The following MGAT5B variants were observed in gnomAD, a reference collection of about 807,000 sequenced individuals.
MGAT5B encodes the protein alpha-1,6-mannosylglycoprotein 6-beta-N-acetylglucosaminyltransferase B, also known as N-acetylglucosaminyl-transferase Vb.
A neutral mutation model predicts 95.1 loss-of-function variants in MGAT5B; 54 were observed. That is an observed-to-expected ratio of 0.57 (90% confidence interval 0.46 to 0.71). The LOEUF (loss-of-function observed/expected upper bound fraction) is 0.71, where lower values mean the gene tolerates loss of function less well. Among genes scored for constraint, MGAT5B ranks in the 30% least tolerant of loss-of-function variants. MGAT5B has a pLI of 0.00. For missense variants in MGAT5B, 935 were observed against 1,088.6 expected (o/e 0.86, Z 1.99); for synonymous variants, 464 against 451.0 (o/e 1.03, Z -0.36).
intron 8 of MGAT5B, among the ~76,000 whole-genome samples, chr17:76,907,640 A>C (rs992736483): frequency 5.3e-5 from 8 of 152,244 alleles, no homozygotes; most frequent in Admixed American, 2.0e-4. Context: ...CCTGTTTTTG[A>C]AATGGTTTTG....
intron 3 of MGAT5B, among the ~76,000 whole-genome samples, chr17:76,900,954 C>T (rs143599728): frequency 3.2e-4 from 47 of 148,050 alleles, no homozygotes; most frequent in Admixed American, 5.5e-4. Context: ...TGAGTGTGTG[C>T]GTGTGCACGC....
At position 76,870,114 on chromosome 17, in the gene MGAT5B, T is replaced by C. The variant is rs570785230; in HGVS notation, c.68+1017T>C. Among the ~76,000 whole-genome samples the C allele has an allele frequency of 1.4e-4, 21 of 152,182 alleles. No individual in the cohort carries two copies. The highest frequency in any genetic ancestry group is 5.1e-4 in the African/African-American group (21 of 41,532). ...GGAAGGAGCCCGAGAAGGCGGAGCT[T>C]GCAGGGGCCCTGAACTCTTGCCCTC... On this transcript the variant is annotated intron_variant, in intron 1 of 17. Transcript: ENST00000569840. This position sits in a 1 kb window ranked among gnomAD's most constrained non-coding sequence, Gnocchi z 5.0.
At position 76,902,459 on chromosome 17, in the gene MGAT5B, G is replaced by A. The variant is rs139769198; in HGVS notation, c.330-96G>A. The A allele has an allele frequency of 1.1e-3, 922 of 856,534 alleles. 1 individual carries two copies. The highest frequency in any genetic ancestry group is 1.5e-3 in the Non-Finnish European group (798 of 535,364). The allele number at this position is 856,534 out of a possible 1,614,324, so 53.1% of individuals were successfully genotyped here. On this transcript the variant is annotated intron_variant, in intron 3 of 17. Coordinates refer to ENST00000569840, the MANE Select transcript of MGAT5B (RefSeq NM_001199172.2). ...GTTTGGGAGCCTGGGGCATTGCAGA[G>A]CCTGCCGCCTTTGCCTGTGGGCCTT...
In MGAT5B at chr17:76,940,459, A is replaced by G. The variant is rs1217222325; in HGVS notation, c.1642A>G (p.Asn548Asp). The change falls in exon 14 of 18, where the codon AAT becomes GAT. Residue 548 changes from asparagine (N) to aspartate (D), a missense_variant. Physicochemically the swap from Asn to Asp is conservative, Grantham distance 23 (BLOSUM62 1). Transcript: ENST00000569840. The surrounding 1 kb of genome is among the most constrained non-coding windows in gnomAD (Gnocchi z 4.3). Reference sequence around the variant, plus strand: ...CCCCGCCCCCCTGGAGGCCATCGCCAATGGTTGCATCTTCCTGCAGTCCCG... The same window carrying G: ...CCCCGCCCCCCTGGAGGCCATCGCCGATGGTTGCATCTTCCTGCAGTCCCG... Reference protein sequence around the residue: ...EGPAPLEAIANGCIFLQSRFS... With the variant: ...EGPAPLEAIADGCIFLQSRFS... 1 of 1,613,762 alleles carries G rather than the reference A, an allele frequency of 6.2e-7. No individual in the cohort carries two copies.
chr17:76,948,075 C>A lies in MGAT5B; in HGVS notation c.2169C>A (p.Asp723Glu). 6.2e-7 allele frequency: 1 copy of A among 1,601,446 alleles called. No homozygotes were observed. Among genetic ancestry groups the A allele is most frequent in the Non-Finnish European group, 8.5e-7 (1 of 1,173,466 alleles). Residue 723 changes from aspartate (D) to glutamate (E), a missense_variant, in exon 17 of 18, where the codon GAC becomes GAA. Physicochemically the swap from Asp to Glu is conservative, Grantham distance 45. Transcript: ENST00000569840. ...PSFFPFLNSQ[D>E]AFLKLQVPCD... ...TCTTCCCCTTCCTGAACAGCCAGGA[C>A]GCCTTCCTCAAGTGAGTGTTCCCCC...
intron 3 of MGAT5B, among the ~76,000 whole-genome samples, chr17:76,891,618 G>A (rs1967872020): frequency 6.6e-6 from 1 of 152,198 alleles, no homozygotes; most frequent in Admixed American, 6.5e-5. Flanking sequence ...GAGCTCAGGC[G>A]ATCTGCCCGC....
At chr17:76,890,598 G>A (rs1967828314) in intron 3 of MGAT5B, among the ~76,000 whole-genome samples, 1 of 152,100 alleles carries the variant, frequency 6.6e-6, no homozygotes, top group Non-Finnish European at 1.5e-5. Flanking sequence ...CTGCCTCTCA[G>A]GCTCAAACAG....
At chr17:76,876,290 C>G (rs1260152471) in intron 2 of MGAT5B, among the ~76,000 whole-genome samples, 1 of 152,026 alleles carries the variant, frequency 6.6e-6, no homozygotes, top group Non-Finnish European at 1.5e-5. Context: ...CGGGGAGGTG[C>G]TTGGCAAATT....
chr17:76,887,350 C>T lies in MGAT5B; in HGVS notation c.329+5052C>T, dbSNP rs541991066. ...AGCAAATTCTCCCACCTTCAGAATA[C>T]GCCTTAGAAGCCCACCTCTTCTCAC... On this transcript the variant is annotated intron_variant, in intron 3 of 17. Coordinates refer to ENST00000569840, the MANE Select transcript of MGAT5B (RefSeq NM_001199172.2). 9.9e-5 allele frequency among the ~76,000 whole-genome samples: 15 copies of T among 152,144 alleles called. No homozygotes were observed. The East Asian group carries it at 1.7e-3, about 18-fold the overall frequency.
At chr17:76,913,527 C>T in intron 8 of MGAT5B, 1 of 363,886 alleles carries the variant, frequency 2.7e-6, no homozygotes, top group South Asian at 2.0e-5. Flanking sequence ...GGGTGACGGG[C>T]CCAGGGGAGG....
In MGAT5B at chr17:76,948,929, C is replaced by A; in HGVS notation, c.*91C>A. 2 of 1,367,740 alleles carry A rather than the reference C, an allele frequency of 1.5e-6. No individual in the cohort carries two copies. Among genetic ancestry groups the A allele is most frequent in the Non-Finnish European group, 2.0e-6 (2 of 1,014,990 alleles). 84.7% of individuals were successfully genotyped at this position (1,367,740 alleles called of 1,614,324 possible). A position where few individuals can be genotyped will look rare whatever the true frequency, so the allele number is the denominator to read the frequency against. ...CAGGTTCTGAGCCCTGGCTGCTTGT[C>A]CTCCTCGCAACCCCCCCAGGCCGGA... On this transcript the variant is annotated 3_prime_UTR_variant, in exon 18 of 18. Coordinates refer to ENST00000569840, the MANE Select transcript of MGAT5B (RefSeq NM_001199172.2).
chr17:76,913,083 C>T (rs2145210245), intron 8 of MGAT5B, among the ~76,000 whole-genome samples: 1 of 152,246 alleles, frequency 6.6e-6, no homozygotes, highest in Non-Finnish European at 1.5e-5. Flanking sequence ...ATGATGAAAG[C>T]TTGAGAGGAG....
At chr17:76,909,299 C>A (rs1192998969) in intron 8 of MGAT5B, among the ~76,000 whole-genome samples, 1 of 152,172 alleles carries the variant, frequency 6.6e-6, no homozygotes, top group Non-Finnish European at 1.5e-5. Context: ...TTCCTTCTAT[C>A]TATCTATATG....
chr17:76,926,527 T>C (rs1017366326), intron 9 of MGAT5B, 70 bp from the exon 10 acceptor site: 17 of 1,495,238 alleles, frequency 1.1e-5, no homozygotes, highest in Non-Finnish European at 1.4e-5. Flanking sequence ...TGCTCGTGGC[T>C]GGGGCAACTT....
At chr17:76,939,029 G>GGGTGTGTGT (rs1237086611) in intron 13 of MGAT5B, among the ~76,000 whole-genome samples, 52 of 128,258 alleles carry the variant, frequency 4.1e-4, no homozygotes, top group African/African-American at 7.1e-4. Flanking sequence ...GCATCTTGGG[G>GGGTGTGTGT]GTGTGTGTGT....
At chr17:76,902,184 A>C (rs1567803202) in intron 3 of MGAT5B, among the ~76,000 whole-genome samples, 1 of 152,136 alleles carries the variant, frequency 6.6e-6, no homozygotes, top group African/African-American at 2.4e-5. Flanking sequence ...GGCCACATGA[A>C]GACATGTTCT....
Position 76,912,625 on chromosome 17 carries a change from C to T in MGAT5B, c.1025+6438C>T, listed in dbSNP as rs957177390. Among the ~76,000 whole-genome samples the T allele has an allele frequency of 5.9e-5, 9 of 152,076 alleles. No homozygotes were observed. Among genetic ancestry groups the T allele is most frequent in the Admixed American group, 2.6e-4 (4 of 15,286 alleles). The stretch of plus-strand genomic sequence containing the variant: ...GATGAGCCGGTCCCGCTCTGCTCCT[C>T]GGGTCTCGGTGTTTCAATTAACTGG... On this transcript the variant is annotated intron_variant, in intron 8 of 17. Transcript: ENST00000569840. The surrounding 1 kb of genome is among the most constrained non-coding windows in gnomAD (Gnocchi z 5.0).
At position 76,932,746 on chromosome 17, in the gene MGAT5B, G is replaced by C. The variant is rs772934864; in HGVS notation, c.1393G>C (p.Val465Leu). Residue 465 changes from valine (V) to leucine (L), a missense_variant, in exon 11 of 18, where the codon GTG becomes CTG. Val to Leu is a conservative substitution (Grantham distance 32, BLOSUM62 1). Coordinates refer to ENST00000569840, the MANE Select transcript of MGAT5B (RefSeq NM_001199172.2). ...CGGCAAGGCCAGCAACATGGCCGTG[G>C]TGTACGGCAAGGAGGCGAGCATCTG... The part of the protein sequence containing the change: ...KGGKASNMAV[V>L]YGKEASIWKL... 1 of 1,613,878 alleles carries C rather than the reference G, an allele frequency of 6.2e-7. No individual in the cohort carries two copies. Among genetic ancestry groups the C allele is most frequent in the Non-Finnish European group, 8.5e-7 (1 of 1,179,924 alleles).
At chr17:76,939,029 G>GGTGTGTGTGTGTGTGT (rs372571720) in intron 13 of MGAT5B, among the ~76,000 whole-genome samples, 5 of 128,188 alleles carry the variant, frequency 3.9e-5, no homozygotes, top group Non-Finnish European at 6.4e-5. Context: ...GCATCTTGGG[G>GGTGTGTGTGTGTGTGT]GTGTGTGTGT....
Sources: gnomAD v4.1 joint callset for allele counts (sites outside exome capture counted in the v4.1 genomes callset) on GRCh38, gnomAD v4.1.1 for gene constraint, Gnocchi (gnomAD v3.1) non-coding constraint, MANE v1.5 for transcripts, NCBI Gene and HGNC (gene_info 2026-07-23, HGNC 2026-07-21) for gene names.